Variants in TAF3 observed in about 807,000 individuals in gnomAD.
TAF3 encodes transcription initiation factor TFIID subunit 3.
A neutral mutation model predicts 80.6 loss-of-function variants in TAF3; 7 were observed. The observed-to-expected ratio is 0.09, with a 90% CI of 0.05 to 0.16. The LOEUF (loss-of-function observed/expected upper bound fraction) is 0.16. Among genes scored for constraint, TAF3 ranks in the 10% least tolerant of loss-of-function variants. The pLI is 1.00. For synonymous variants in TAF3, 444 were observed against 446.1 expected, an observed-to-expected ratio of 1.00 and a Z score of 0.06; for missense variants, 921 against 1,140.2, an observed-to-expected ratio of 0.81 and a Z score of 2.77.
chr10:7,885,770 C>T (rs1480628220), intron 2 of TAF3, among the ~76,000 whole-genome samples: 1 of 152,166 alleles, frequency 6.6e-6, no homozygotes, highest in Non-Finnish European at 1.5e-5. Flanking sequence ...CAGCTAATGC[C>T]TTAGTTTCAC....
In TAF3 at chr10:7,964,230, A is replaced by G. The variant is rs1449835618; in HGVS notation, c.720A>G (p.Ala240=). 5.0e-6 allele frequency: 8 copies of G among 1,614,088 alleles called. No homozygotes were observed. Among genetic ancestry groups the G allele is most frequent in the Non-Finnish European group, 5.9e-6 (7 of 1,180,024 alleles). ...ATGTACAGGACAGTACAGACTTGGC[A>G]CCTCCCTCACCCGAGCCGCCAATGT... is the stretch of plus-strand genomic sequence containing the variant. ...PVHVQDSTDL[A]PPSPEPPMLA... The change falls in exon 3 of 7, where the codon GCA becomes GCG. Residue 240 remains alanine (A), a synonymous_variant. Transcript: ENST00000344293. The surrounding 1 kb of genome is among the most constrained non-coding windows in gnomAD (Gnocchi z 4.1).
rs547367129 is a variant in TAF3 at position 7,887,085 on chromosome 10, A to T, written c.409+62525A>T. Among the ~76,000 whole-genome samples, 27 of 152,144 alleles carry T rather than the reference A, an allele frequency of 1.8e-4. No homozygotes were observed. The South Asian group carries it at 3.5e-3, about 20-fold the overall frequency. The stretch of plus-strand genomic sequence containing the variant: ...CTCGTCTCTACTAAAAATAAAAAAA[A>T]TTAGCCGGGCGTGGTGGCAGGCACC... On this transcript the variant is annotated intron_variant, in intron 2 of 6. Coordinates refer to ENST00000344293, the MANE Select transcript of TAF3 (RefSeq NM_031923.4).
At chr10:7,873,416 T>G (rs1837284780) in intron 2 of TAF3, among the ~76,000 whole-genome samples, 1 of 152,184 alleles carries the variant, frequency 6.6e-6, no homozygotes, top group South Asian at 2.1e-4. Context: ...AATAAAAATG[T>G]AGGGTAAAAT....
intron 2 of TAF3, among the ~76,000 whole-genome samples, chr10:7,912,729 A>G (rs919185320): frequency 2.0e-5 from 3 of 152,206 alleles, no homozygotes; most frequent in Non-Finnish European, 4.4e-5. Flanking sequence ...ATATTTCCCT[A>G]CAAATCCAGA....
At chr10:8,008,120 G>A (rs905877806) in intron 4 of TAF3, among the ~76,000 whole-genome samples, 5 of 124,288 alleles carry the variant, frequency 4.0e-5, no homozygotes, top group Non-Finnish European at 1.6e-5. Flanking sequence ...TTTTTGAGAC[G>A]AAGTCTCACT....
At chr10:7,990,886 T>C (rs1319504881) in intron 4 of TAF3, among the ~76,000 whole-genome samples, 2 of 152,180 alleles carry the variant, frequency 1.3e-5, no homozygotes, top group Non-Finnish European at 2.9e-5. Context: ...CTGCTTGTCA[T>C]GTCCCTGCAG....
chr10:7,856,295 G>A (rs1399422304), intron 2 of TAF3, among the ~76,000 whole-genome samples: 1 of 152,032 alleles, frequency 6.6e-6, no homozygotes, highest in Non-Finnish European at 1.5e-5. Flanking sequence ...GGCCAGCATG[G>A]TGAAACCCCG....
chr10:7,874,680 A>G (rs1837298128), intron 2 of TAF3, among the ~76,000 whole-genome samples: 2 of 148,100 alleles, frequency 1.4e-5, no homozygotes, highest in Admixed American at 6.8e-5. Flanking sequence ...GGACTCTAAC[A>G]GATATGTTTT....
intron 2 of TAF3, among the ~76,000 whole-genome samples, chr10:7,868,602 A>G (rs1588532099): frequency 6.6e-6 from 1 of 152,354 alleles, no homozygotes. Flanking sequence ...GTTAGTAGCC[A>G]TGTTCTATTG....
chr10:7,989,222 T>C (rs1477444239), intron 4 of TAF3, among the ~76,000 whole-genome samples: 1 of 152,056 alleles, frequency 6.6e-6, no homozygotes, highest in Non-Finnish European at 1.5e-5. Context: ...GTGGCTCTGA[T>C]TGGCCTGGCT....
At chr10:7,974,846 C>T (rs190205292) in intron 3 of TAF3, among the ~76,000 whole-genome samples, 3 of 152,104 alleles carry the variant, frequency 2.0e-5, no homozygotes, top group Non-Finnish European at 2.9e-5. Flanking sequence ...GAGGTCGAGG[C>T]GGGCGGATCA....
intron 2 of TAF3, among the ~76,000 whole-genome samples, chr10:7,893,020 A>G (rs1837470464): frequency 6.6e-6 from 1 of 151,748 alleles, no homozygotes; most frequent in Non-Finnish European, 1.5e-5. Context: ...GGGTTTCTCC[A>G]TGTTGATCAG....
intron 2 of TAF3, among the ~76,000 whole-genome samples, chr10:7,956,773 T>C (rs915584492): frequency 1.3e-5 from 2 of 152,236 alleles, no homozygotes; most frequent in East Asian, 3.9e-4. Flanking sequence ...GAGTTCCTTC[T>C]TACTGTGGCC....
intron 2 of TAF3, among the ~76,000 whole-genome samples, chr10:7,832,111 A>G (rs998772897): frequency 1.3e-5 from 2 of 152,096 alleles, no homozygotes; most frequent in African/African-American, 4.8e-5. Flanking sequence ...CTTTTTCACC[A>G]TGCTGTGCAA....
chr10:7,977,645 C>A (rs1206790375), intron 4 of TAF3, among the ~76,000 whole-genome samples: 1 of 152,158 alleles, frequency 6.6e-6, no homozygotes, highest in East Asian at 1.9e-4. Context: ...GGACTTACTG[C>A]CACATTACAC....
intron 2 of TAF3, among the ~76,000 whole-genome samples, chr10:7,943,703 A>G (rs539300258): frequency 6.6e-6 from 1 of 152,322 alleles, no homozygotes; most frequent in Admixed American, 6.5e-5. Context: ...TCACTTCTGT[A>G]CCAACCAAAT....
chr10:7,958,884 C>T (rs1474921149), intron 2 of TAF3, among the ~76,000 whole-genome samples: 1 of 152,142 alleles, frequency 6.6e-6, no homozygotes, highest in African/African-American at 2.4e-5. Context: ...CCTGTAATCC[C>T]AGCACTTTGG....
At chr10:8,005,257 C>T (rs1180900188) in intron 4 of TAF3, among the ~76,000 whole-genome samples, 3 of 152,172 alleles carry the variant, frequency 2.0e-5, no homozygotes, top group Middle Eastern at 3.2e-3. Flanking sequence ...TAACAGTTTT[C>T]CCTGATCCCA....
chr10:7,917,397 T>A (rs1361108487), intron 2 of TAF3, among the ~76,000 whole-genome samples: 3 of 152,138 alleles, frequency 2.0e-5, no homozygotes, highest in African/African-American at 7.2e-5. Context: ...AGAAACCAGC[T>A]GTGCATGAGA....
Sources: allele counts gnomAD v4.1 joint callset (sites outside exome capture counted in the v4.1 genomes callset), GRCh38; gene constraint gnomAD v4.1.1; non-coding constraint Gnocchi (gnomAD v3.1); transcripts MANE v1.5; gene names NCBI Gene and HGNC (gene_info 2026-07-23, HGNC 2026-07-21).